The following SLC5A9 variants were observed in gnomAD, a reference collection of about 807,000 sequenced individuals.
SLC5A9 encodes the protein sodium/glucose cotransporter 4.
Under a neutral mutation model 70.9 loss-of-function variants are expected in SLC5A9, and 59 were observed. That is an observed-to-expected ratio of 0.83 (90% confidence interval 0.68 to 1.03). SLC5A9 has a LOEUF of 1.03. Among genes scored for constraint, SLC5A9 ranks in the 50% least tolerant of loss-of-function variants. The pLI is 0.00. For missense variants in SLC5A9, 832 were observed against 881.1 expected (o/e 0.94, Z 0.71); for synonymous variants, 340 against 346.5 (o/e 0.98, Z 0.21).
intron 8 of SLC5A9, 92 bp from the exon 9 acceptor site, chr1:48,233,562 TG>T (rs1182935065): frequency 2.2e-6 from 2 of 929,302 alleles, no homozygotes; most frequent in Non-Finnish European, 3.4e-6. Context: ...GAGTCTCCAG[TG>T]AACATTATCC....
At chr1:48,243,937 A>G (rs1557485215) in intron 13 of SLC5A9, among the ~76,000 whole-genome samples, 2 of 151,154 alleles carry the variant, frequency 1.3e-5, no homozygotes, top group Non-Finnish European at 2.9e-5. Flanking sequence ...TCTGTCCCCA[A>G]GGAGGTGAGA....
intron 10 of SLC5A9, among the ~76,000 whole-genome samples, chr1:48,236,500 T>C (rs1644329450): frequency 6.6e-6 from 1 of 152,260 alleles, no homozygotes; most frequent in South Asian, 2.1e-4. Flanking sequence ...TGGGTAACAG[T>C]TTTATGCTTT....
At chr1:48,240,020 A>T (rs1644374415) in intron 12 of SLC5A9, among the ~76,000 whole-genome samples, 1 of 152,188 alleles carries the variant, frequency 6.6e-6, no homozygotes. Context: ...AGAAACAGAG[A>T]GCTTACTAGG....
At chr1:48,231,502 C>T (rs1644246167) in intron 5 of SLC5A9, 43 bp from the exon 6 acceptor site, 1 of 1,610,108 alleles carries the variant, frequency 6.2e-7, no homozygotes, top group African/African-American at 1.3e-5. Context: ...AGAGAGGACC[C>T]CAAACTGGTG....
At position 48,247,324 on chromosome 1, in the gene SLC5A9, T is replaced by C; in HGVS notation, c.1838-11T>C. On this transcript the variant is annotated splice_polypyrimidine_tract_variant and intron_variant, in intron 13 of 13. Coordinates refer to ENST00000438567, the MANE Select transcript of SLC5A9 (RefSeq NM_001011547.3). ...CCTGCTCTCCTTTGTCTTCTGGCTT[T>C]GTCCCTCCAGCCCCAAGCAGGTCCT... 6.2e-7 allele frequency: 1 copy of C among 1,612,956 alleles called. No individual in the cohort carries two copies. Among genetic ancestry groups the C allele is most frequent in the Non-Finnish European group, 8.5e-7 (1 of 1,179,172 alleles).
Position 48,244,806 on chromosome 1 carries a change from A to C in SLC5A9, c.1837+2190A>C, listed in dbSNP as rs1274190412. On this transcript the variant is annotated intron_variant, in intron 13 of 13. Coordinates refer to ENST00000438567, the MANE Select transcript of SLC5A9 (RefSeq NM_001011547.3). ...TATATATAAATTATATTTATATTAT[A>C]TATAAATTATATTTATATTATATAT... 3.1e-5 allele frequency among the ~76,000 whole-genome samples: 4 copies of C among 128,590 alleles called. No homozygotes were observed. The Admixed American group carries it at 3.6e-4, about 12-fold the overall frequency. The allele number at this position is 128,590 out of a possible 152,430, so 84.4% of individuals were successfully genotyped here. A position where few individuals can be genotyped will look rare whatever the true frequency, so the allele number is the denominator to read the frequency against.
intron 1 of SLC5A9, among the ~76,000 whole-genome samples, chr1:48,224,122 T>C (rs1329699592): frequency 1.3e-5 from 2 of 152,178 alleles, no homozygotes; most frequent in Non-Finnish European, 2.9e-5. Flanking sequence ...ACCCTGTATC[T>C]CCAGAGAATA....
intron 12 of SLC5A9, among the ~76,000 whole-genome samples, chr1:48,241,722 CTCTCTTTCTCTA>C (rs1018286138): frequency 2.6e-5 from 4 of 151,674 alleles, no homozygotes; most frequent in Non-Finnish European, 5.9e-5. Flanking sequence ...CTCTCTCTCT[CTCTCTTTCTCTA>C]TCTCTTTCTC....
At position 48,222,926 on chromosome 1, in the gene SLC5A9, C is replaced by A. The variant is rs757477349; in HGVS notation, c.162+28C>A. Reference sequence around the variant, plus strand: ...AAGTGGGCCCTGAGGCTGGGGCTAGCAGGGGAGGTAGTAGTGGTCTCTCAG... The same window carrying A: ...AAGTGGGCCCTGAGGCTGGGGCTAGAAGGGGAGGTAGTAGTGGTCTCTCAG... On this transcript the variant is annotated intron_variant, in intron 1 of 13. Transcript: ENST00000438567. The A allele has an allele frequency of 1.2e-5, 20 of 1,611,702 alleles. No homozygotes were observed. In the East Asian group the frequency reaches 4.5e-4, roughly 36 times the overall value.
At chr1:48,237,191 G>C (rs1017457101) in intron 10 of SLC5A9, among the ~76,000 whole-genome samples, 2 of 152,070 alleles carry the variant, frequency 1.3e-5, no homozygotes, top group Admixed American at 1.3e-4. Context: ...AGGTGAATAA[G>C]TGGGATTCTT....
At position 48,242,531 on chromosome 1, in the gene SLC5A9, G is replaced by A. The variant is rs775725723; in HGVS notation, c.1752G>A (p.Pro584=). The stretch of plus-strand genomic sequence containing the variant: ...AGAAGGAGGCCCACGAGAGCACACC[G>A]GAGATATCCGAGAGGCCAGCCGGGG... ...ELEKEAHEST[P]EISERPAGEC... is the part of the protein sequence containing the mutation. The change falls in exon 13 of 14, where the codon CCG becomes CCA. Residue 584 remains proline (P), a synonymous_variant. Transcript: ENST00000438567. The A allele has an allele frequency of 1.4e-5, 22 of 1,613,704 alleles. No individual in the cohort carries two copies. The highest frequency in any genetic ancestry group is 5.0e-5 in the Admixed American group (3 of 59,966).
chr1:48,246,491 A>C (rs1212831626), intron 13 of SLC5A9, among the ~76,000 whole-genome samples: 1 of 152,206 alleles, frequency 6.6e-6, no homozygotes, highest in African/African-American at 2.4e-5. Flanking sequence ...TTTTTATATT[A>C]ATTTTATTTG....
In SLC5A9 at chr1:48,235,735, G is replaced by A. The variant is rs775516581; in HGVS notation, c.1148G>A (p.Arg383Gln). ...LVMALMPVGLRGLMIAVIMAA... is the reference protein window; with the variant it reads ...LVMALMPVGLQGLMIAVIMAA... ...GAGCCTCGTCTCTCCCCAGGTCTGCGGGGGCTGATGATTGCCGTGATCATG... is the reference window on the plus strand; with the variant it reads ...GAGCCTCGTCTCTCCCCAGGTCTGCAGGGGCTGATGATTGCCGTGATCATG... The change falls in exon 10 of 14, where the codon CGG becomes CAG. Residue 383 changes from arginine to glutamine, a missense_variant. Transcript: ENST00000438567. The A allele has an allele frequency of 5.6e-6, 9 of 1,613,986 alleles. No homozygotes were observed. The highest frequency in any genetic ancestry group is 2.2e-5 in the East Asian group (1 of 44,880).
Position 48,232,078 on chromosome 1 carries a change from G to A in SLC5A9, c.824G>A (p.Ser275Asn), listed in dbSNP as rs749958781. The change falls in exon 7 of 14, where the codon AGC becomes AAC. Residue 275 changes from serine (S) to asparagine (N), a missense_variant. Ser to Asn is a conservative substitution (Grantham distance 46). Transcript: ENST00000438567. ...TTCCACATTCTTCGGGACCCTGTGA[G>A]CGGGGACATCCCTTGGCCAGGTCTC... ...DAFHILRDPV[S>N]GDIPWPGLIF... 2.5e-6 allele frequency: 4 copies of A among 1,614,154 alleles called. No homozygotes were observed.
chr1:48,247,397 G>C lies in SLC5A9; in HGVS notation c.1900G>C (p.Glu634Gln). 6.2e-7 allele frequency: 1 copy of C among 1,614,132 alleles called. No homozygotes were observed. The highest frequency in any genetic ancestry group is 8.5e-7 in the Non-Finnish European group (1 of 1,180,028). ...SWFCGLSGTP[E>Q]QALSPAEKAA... ...GTTCTGTGGGCTCTCTGGAACACCGGAGCAGGCCCTGAGCCCAGCAGAGAA... is the reference window on the plus strand; with the variant it reads ...GTTCTGTGGGCTCTCTGGAACACCGCAGCAGGCCCTGAGCCCAGCAGAGAA... Residue 634 changes from glutamate (E) to glutamine (Q), a missense_variant, in exon 14 of 14, where the codon GAG becomes CAG. Coordinates refer to ENST00000438567, the MANE Select transcript of SLC5A9 (RefSeq NM_001011547.3).
rs150588947 is a variant in SLC5A9, at chr1:48,248,095, C to G, written c.*552C>G. On this transcript the variant is annotated 3_prime_UTR_variant, in exon 14 of 14. Coordinates refer to ENST00000438567, the MANE Select transcript of SLC5A9 (RefSeq NM_001011547.3). ...GCTCCACAGTGGTGGCTGTCAGACC[C>G]GAAGGGGTGGGGAGCCAAGGGTGGA... 6.4e-6 allele frequency: 1 copy of G among 157,458 alleles called. No homozygotes were observed. Among genetic ancestry groups the G allele is most frequent in the Non-Finnish European group, 1.4e-5 (1 of 70,948 alleles). The allele number at this position is 157,458 out of a possible 1,614,324, so 9.8% of individuals were successfully genotyped here. A position where few individuals can be genotyped will look rare whatever the true frequency, so the allele number is the denominator to read the frequency against.
chr1:48,242,693 G>A (rs1644406858), intron 13 of SLC5A9, 77 bp downstream of exon 13: 1 of 1,377,522 alleles, frequency 7.3e-7, no homozygotes, highest in East Asian at 2.5e-5. Context: ...CGGTCTTTGG[G>A]ATGGGGACTC....
rs77897602 is a variant in SLC5A9 at position 48,225,605 on chromosome 1, C to T, written c.234+810C>T. The stretch of plus-strand genomic sequence containing the variant: ...CACCCAGGCATGCAAAACTCACACA[C>T]GGCATGTGTGCATACCCACTCCCAC... On this transcript the variant is annotated intron_variant, in intron 2 of 13. Transcript: ENST00000438567. 0.02 allele frequency among the ~76,000 whole-genome samples: 2,969 copies of T among 152,038 alleles called. 133 individuals are homozygous for T. In the East Asian group the frequency reaches 0.2, roughly 10 times the overall value.
At chr1:48,237,968 C>A in intron 11 of SLC5A9, 121 bp downstream of exon 11, 1 of 993,224 alleles carries the variant, frequency 1.0e-6, no homozygotes, top group Non-Finnish European at 1.5e-6. Flanking sequence ...ATTTTCCTGA[C>A]CACAGCATCC....
Sources: gnomAD v4.1 joint callset for allele counts (sites outside exome capture counted in the v4.1 genomes callset) on GRCh38, gnomAD v4.1.1 for gene constraint, MANE v1.5 for transcripts, NCBI Gene and HGNC (gene_info 2026-07-23, HGNC 2026-07-21) for gene names.